Variants in NTPCR observed in about 807,000 individuals in gnomAD.
NTPCR encodes cancer-related nucleoside-triphosphatase.
A neutral mutation model predicts 19.5 loss-of-function variants in NTPCR; 15 were observed. The observed-to-expected ratio is 0.77, with a 90% CI of 0.51 to 1.18. NTPCR has a LOEUF of 1.18. Ranked by LOEUF, NTPCR falls within the 50% of genes most tolerant of loss-of-function variation. The pLI is 0.00. For missense variants in NTPCR, 206 were observed against 240.4 expected (o/e 0.86, Z 0.95); for synonymous variants, 90 against 95.8 (o/e 0.94, Z 0.36).
rs1404226699 is a variant in NTPCR at position 232,963,981 on chromosome 1, G to A, written c.295-5928G>A. ...TCAGTATATTTTTCCTAAAAATAAG[G>A]ATATGCTTTTACATAATCAATACAG... is the stretch of plus-strand genomic sequence containing the variant. On this transcript the variant is annotated intron_variant, in intron 3 of 4. Transcript: ENST00000366628. 3.3e-5 allele frequency: 5 copies of A among 151,940 alleles called. 1 individual carries two copies. Among genetic ancestry groups the A allele is most frequent in the Admixed American group, 2.0e-4 (3 of 15,232 alleles). The allele number at this position is 151,940 out of a possible 1,614,324, so 9.4% of individuals were successfully genotyped here. A position where few individuals can be genotyped will look rare whatever the true frequency, so the allele number is the denominator to read the frequency against.
chr1:232,952,734 G>GT lies in NTPCR; in HGVS notation c.34+1995dup, dbSNP rs202014802. 3.9e-3 allele frequency among the ~76,000 whole-genome samples: 599 copies of GT among 151,712 alleles called. 5 individuals are homozygous for GT. Among genetic ancestry groups the GT allele is most frequent in the African/African-American group, 0.014 (571 of 41,310 alleles). On this transcript the variant is annotated intron_variant, in intron 1 of 4. Coordinates refer to ENST00000366628, the MANE Select transcript of NTPCR (RefSeq NM_032324.3). ...TCCCCATTAGGAGTTATTGTCAGGTGTTTTTATTTGCCTAGTTTCTTTCTG... is the reference window on the plus strand; with the variant it reads ...TCCCCATTAGGAGTTATTGTCAGGTGTTTTTTATTTGCCTAGTTTCTTTCTG...
chr1:232,969,466 A>C (rs1340408584), intron 3 of NTPCR: 3 of 157,832 alleles, frequency 1.9e-5, no homozygotes, highest in Non-Finnish European at 4.2e-5. Flanking sequence ...GCTGGGGGGG[A>C]GATAACTGCT....
chr1:232,954,532 C>T (rs1668460616), intron 1 of NTPCR, among the ~76,000 whole-genome samples: 1 of 152,120 alleles, frequency 6.6e-6, no homozygotes, highest in African/African-American at 2.4e-5. Context: ...GAACAAGGCT[C>T]ATATTTTAAA....
At chr1:232,954,894 A>G (rs1053318625) in intron 1 of NTPCR, among the ~76,000 whole-genome samples, 11 of 152,128 alleles carry the variant, frequency 7.2e-5, no homozygotes, top group African/African-American at 2.7e-4. Context: ...CATAGGTTCA[A>G]ACTGGGGAAG....
chr1:232,959,822 G>C (rs905438338), intron 3 of NTPCR, among the ~76,000 whole-genome samples: 4 of 152,122 alleles, frequency 2.6e-5, no homozygotes, highest in Non-Finnish European at 5.9e-5. Flanking sequence ...GTATGTATGT[G>C]TGTGTGTGTG....
chr1:232,953,448 A>G (rs1164810046), intron 1 of NTPCR, among the ~76,000 whole-genome samples: 1 of 152,164 alleles, frequency 6.6e-6, no homozygotes, highest in East Asian at 1.9e-4. Flanking sequence ...CTTTGCCCAA[A>G]TGCTTCCTAT....
At chr1:232,971,959 T>C (rs570483982) in intron 4 of NTPCR, among the ~76,000 whole-genome samples, 294 of 152,338 alleles carry the variant, frequency 1.9e-3, no homozygotes, top group African/African-American at 7.0e-3. Flanking sequence ...TGAGGTCAGA[T>C]AGCTTCTAGG....
chr1:232,961,865 CTTAA>C (rs1222669517), intron 3 of NTPCR: 2 of 152,022 alleles, frequency 1.3e-5, no homozygotes, highest in African/African-American at 4.8e-5. Flanking sequence ...GTTTTTTATG[CTTAA>C]TTAATTATAT....
chr1:232,968,660 A>G (rs1668889430), intron 3 of NTPCR: 1 of 152,242 alleles, frequency 6.6e-6, no homozygotes, highest in Non-Finnish European at 1.5e-5. Context: ...ACACTGTACC[A>G]TATGCTGCTT....
At chr1:232,976,377 C>T (rs1304667623) in intron 4 of NTPCR, 19 of 1,549,226 alleles carry the variant, frequency 1.2e-5, no homozygotes, top group African/African-American at 2.7e-5. Flanking sequence ...AGAGCAAATT[C>T]TCCAGCTGTG....
Position 232,978,890 on chromosome 1 carries a change from G to A in NTPCR, c.*659G>A, listed in dbSNP as rs1165862467. 1 of 152,142 alleles carries A rather than the reference G, an allele frequency of 6.6e-6. No individual in the cohort carries two copies. The highest frequency in any genetic ancestry group is 2.4e-5 in the African/African-American group (1 of 41,406). 9.4% of individuals were successfully genotyped at this position (152,142 alleles called of 1,614,324 possible). A position where few individuals can be genotyped will look rare whatever the true frequency, so the allele number is the denominator to read the frequency against. ...CCAGATGACAAGAGCTCAGGCCCAC[G>A]GGTTTGCATAAGAGCACTGCTTTGC... On this transcript the variant is annotated 3_prime_UTR_variant, in exon 5 of 5. Coordinates refer to ENST00000366628, the MANE Select transcript of NTPCR (RefSeq NM_032324.3).
chr1:232,974,671 G>A (rs1487767325), intron 4 of NTPCR, among the ~76,000 whole-genome samples: 1 of 152,142 alleles, frequency 6.6e-6, no homozygotes, highest in East Asian at 1.9e-4. Context: ...TCATCTATTT[G>A]GTAAATATTG....
intron 3 of NTPCR, among the ~76,000 whole-genome samples, chr1:232,958,871 A>G (rs1299632485): frequency 2.0e-5 from 3 of 152,264 alleles, no homozygotes; most frequent in African/African-American, 4.8e-5. Context: ...TACCCTGCTC[A>G]GACAGAGTAG....
chr1:232,969,835 T>G, intron 3 of NTPCR, 74 bp from the exon 4 acceptor site: 7 of 1,208,150 alleles, frequency 5.8e-6, no homozygotes, highest in Non-Finnish European at 7.4e-6. Context: ...TGGTGAGTGA[T>G]TGGGGAGTGG....
At chr1:232,968,798 T>G (rs1350933894) in intron 3 of NTPCR, 1 of 152,272 alleles carries the variant, frequency 6.6e-6, no homozygotes, top group African/African-American at 2.4e-5. Flanking sequence ...ACATACAGTT[T>G]TCAAAATAAT....
chr1:232,976,336 C>A, intron 4 of NTPCR: 1 of 1,515,020 alleles, frequency 6.6e-7, no homozygotes, highest in South Asian at 1.3e-5. Flanking sequence ...GTTATTTACT[C>A]TGTAGTCACC....
In NTPCR at chr1:232,969,980, T is replaced by G; in HGVS notation, c.366T>G (p.Ser122Arg). 6.2e-7 allele frequency: 1 copy of G among 1,614,048 alleles called. No individual in the cohort carries two copies. Among genetic ancestry groups the G allele is most frequent in the Non-Finnish European group, 8.5e-7 (1 of 1,179,970 alleles). ...IDEIGKMELF[S>R]QLFIQAVRQT... ...AGATTGGGAAGATGGAGCTCTTCAG[T>G]CAGCTTTTCATTCAAGCTGTTCGTC... The change falls in exon 4 of 5, where the codon AGT becomes AGG. Residue 122 changes from serine to arginine, a missense_variant. Ser to Arg is a moderately radical substitution (Grantham distance 110). Coordinates refer to ENST00000366628, the MANE Select transcript of NTPCR (RefSeq NM_032324.3).
intron 3 of NTPCR, chr1:232,962,118 A>G (rs993523765): frequency 1.3e-5 from 2 of 152,244 alleles, no homozygotes; most frequent in African/African-American, 4.8e-5. Flanking sequence ...TCAGAACACT[A>G]TCACTCTATT....
intron 3 of NTPCR, 41 bp from the exon 4 acceptor site, chr1:232,969,868 T>C (rs1210134449): frequency 6.5e-7 from 1 of 1,544,380 alleles, no homozygotes; most frequent in African/African-American, 1.4e-5. Flanking sequence ...CTTTGATTAA[T>C]GTGACTCTGA....
Sources: allele counts gnomAD v4.1 joint callset (sites outside exome capture counted in the v4.1 genomes callset), GRCh38; gene constraint gnomAD v4.1.1; transcripts MANE v1.5; gene names NCBI Gene and HGNC (gene_info 2026-07-23, HGNC 2026-07-21).